Variants in KLF12 observed in about 807,000 individuals in gnomAD.
KLF12 encodes Krueppel-like factor 12.
Under a neutral mutation model 37.8 loss-of-function variants are expected in KLF12, and 9 were observed. The ratio of observed to expected loss-of-function variants is 0.24; its 90% CI spans 0.14 to 0.42. KLF12 has a LOEUF of 0.42. KLF12 is among the 10% of genes least tolerant of loss of function. The pLI, the probability that KLF12 is intolerant of heterozygous loss-of-function variation, is 1.00. For missense variants in KLF12, 411 were observed against 516.0 expected (o/e 0.80, Z 1.97); for synonymous variants, 208 against 202.1 (o/e 1.03, Z -0.25).
chr13:73,937,188 C>CA (rs35197874), intron 3 of KLF12, among the ~76,000 whole-genome samples: 71,539 of 145,952 alleles, frequency 0.49, 17,386 homozygotes, highest in Admixed American at 0.54. Flanking sequence ...GACTCCGTCT[C>CA]AAAAAAAAAT....
At chr13:74,220,036 G>A in the KLF12 span, among the ~76,000 whole-genome samples, 12 of 151,784 alleles carry the variant, frequency 7.9e-5, no homozygotes, top group Admixed American at 1.3e-4. Flanking sequence ...CATCTGCTTC[G>A]ACTTTTTCCT....
intron 3 of KLF12, among the ~76,000 whole-genome samples, chr13:73,849,202 T>A (rs1222066613): frequency 6.6e-6 from 1 of 152,046 alleles, no homozygotes; most frequent in African/African-American, 2.4e-5. Flanking sequence ...GAAATTCATT[T>A]CTTTACTTTT....
At chr13:74,276,721 C>A in the KLF12 span, among the ~76,000 whole-genome samples, 1 of 152,172 alleles carries the variant, frequency 6.6e-6, no homozygotes, top group Non-Finnish European at 1.5e-5. Context: ...CTTATTTAAC[C>A]CAGTTTGTTT....
intron 1 of KLF12, among the ~76,000 whole-genome samples, chr13:74,101,063 G>A (rs1341752872): frequency 6.6e-6 from 1 of 152,110 alleles, no homozygotes; most frequent in African/African-American, 2.4e-5. Context: ...TGCTATTACT[G>A]ACAGGCTTCA....
the KLF12 span, among the ~76,000 whole-genome samples, chr13:74,282,811 C>T: frequency 2.0e-5 from 3 of 152,138 alleles, no homozygotes; most frequent in Non-Finnish European, 4.4e-5. Flanking sequence ...TTAATGAATG[C>T]CGTGTGACTT....
At chr13:73,729,841 A>C (rs1295455192) in intron 6 of KLF12, among the ~76,000 whole-genome samples, 1 of 152,182 alleles carries the variant, frequency 6.6e-6, no homozygotes, top group Non-Finnish European at 1.5e-5. Context: ...TGAACACGCA[A>C]AGGCATCCTT....
At chr13:74,081,148 A>G (rs1566202967) in intron 1 of KLF12, among the ~76,000 whole-genome samples, 1 of 152,218 alleles carries the variant, frequency 6.6e-6, no homozygotes, top group Non-Finnish European at 1.5e-5. Flanking sequence ...GGCAAATAAA[A>G]TAGGTCTCAT....
chr13:74,147,295 T>A, the KLF12 span, among the ~76,000 whole-genome samples: 1 of 151,970 alleles, frequency 6.6e-6, no homozygotes, highest in Non-Finnish European at 1.5e-5. Context: ...ATTTTCCAAA[T>A]TGGAGTTTGG....
At chr13:74,086,435 A>T (rs1238706078) in intron 1 of KLF12, among the ~76,000 whole-genome samples, 2 of 152,002 alleles carry the variant, frequency 1.3e-5, no homozygotes, top group Non-Finnish European at 2.9e-5. Flanking sequence ...ATGTCCCTAC[A>T]AAGGACATGA....
At chr13:73,931,098 T>A (rs1889654273) in intron 3 of KLF12, among the ~76,000 whole-genome samples, 1 of 152,042 alleles carries the variant, frequency 6.6e-6, no homozygotes, top group Admixed American at 6.6e-5. Flanking sequence ...CCTCAGGTGA[T>A]CCACCCGCCT....
intron 5 of KLF12, among the ~76,000 whole-genome samples, chr13:73,808,575 G>A (rs1882768934): frequency 6.6e-6 from 1 of 152,150 alleles, no homozygotes; most frequent in African/African-American, 2.4e-5. Flanking sequence ...GTGGGTAGAT[G>A]TATCTTGGTT....
At chr13:73,913,496 G>A (rs1370366851) in intron 3 of KLF12, among the ~76,000 whole-genome samples, 1 of 152,124 alleles carries the variant, frequency 6.6e-6, no homozygotes, top group African/African-American at 2.4e-5. Flanking sequence ...GCATTTAGTG[G>A]ATCTAAGCAT....
chr13:74,212,920 G>C, the KLF12 span, among the ~76,000 whole-genome samples: 1 of 151,908 alleles, frequency 6.6e-6, no homozygotes. Context: ...AGAAGAAGAT[G>C]GTTGATAAGG....
chr13:74,075,201 T>C (rs1593878787), intron 1 of KLF12, among the ~76,000 whole-genome samples: 1 of 152,222 alleles, frequency 6.6e-6, no homozygotes. Context: ...ATAAAAAATA[T>C]GGCAAATTAG....
At chr13:73,837,041 G>T (rs1884471402) in intron 4 of KLF12, among the ~76,000 whole-genome samples, 1 of 152,084 alleles carries the variant, frequency 6.6e-6, no homozygotes, top group Admixed American at 6.5e-5. Flanking sequence ...CCTAACAAAT[G>T]GATTTGACTG....
chr13:74,271,484 G>T, the KLF12 span, among the ~76,000 whole-genome samples: 2 of 152,186 alleles, frequency 1.3e-5, no homozygotes, highest in Admixed American at 1.3e-4. Flanking sequence ...CATAGCAGAA[G>T]ACATTTGTAA....
At chr13:74,213,895 A>G in the KLF12 span, among the ~76,000 whole-genome samples, 2 of 151,910 alleles carry the variant, frequency 1.3e-5, no homozygotes, top group African/African-American at 4.8e-5. Context: ...ATTACTATGT[A>G]TTTCTCTCTT....
intron 1 of KLF12, among the ~76,000 whole-genome samples, chr13:74,104,045 T>C (rs1876513889): frequency 6.6e-6 from 1 of 152,222 alleles, no homozygotes; most frequent in Admixed American, 6.5e-5. Flanking sequence ...TAATGGGTTA[T>C]AAAATTTTAT....
chr13:73,901,623 A>G (rs553410630), intron 3 of KLF12, among the ~76,000 whole-genome samples: 1 of 152,252 alleles, frequency 6.6e-6, no homozygotes, highest in Admixed American at 6.5e-5. Flanking sequence ...CTTCCTGGTG[A>G]CAGCAGCCCC....
Sources: gnomAD v4.1 joint callset for allele counts (sites outside exome capture counted in the v4.1 genomes callset) on GRCh38, gnomAD v4.1.1 for gene constraint, MANE v1.5 for transcripts, NCBI Gene and HGNC (gene_info 2026-07-23, HGNC 2026-07-21) for gene names.